Variants in LRR1 observed in about 807,000 individuals in gnomAD.
LRR1 encodes leucine rich repeat protein 1, also known as leucine-rich repeat protein 1.
LRR1 carries 29 observed loss-of-function variants against 31.6 expected under a neutral mutation model. That is an observed-to-expected ratio of 0.92 (90% CI 0.68 to 1.25). LRR1 has a LOEUF of 1.25. LRR1 is among the 50% of genes most tolerant of loss of function. The pLI is 0.00. For synonymous variants in LRR1, 179 were observed against 181.4 expected (o/e 0.99, Z 0.10); for missense variants, 485 against 487.2 (o/e 1.00, Z 0.04).
chr14:49,611,683 G>A (rs1882517378), intron 3 of LRR1, among the ~76,000 whole-genome samples: 1 of 152,208 alleles, frequency 6.6e-6, no homozygotes, highest in South Asian at 2.1e-4. Flanking sequence ...AGCACTTTGG[G>A]AGGTCGAGGT....
At chr14:49,599,625 A>AGCAGGTC (rs144202004) in intron 1 of LRR1, among the ~76,000 whole-genome samples, 71,184 of 151,050 alleles carry the variant, frequency 0.47, 17,612 homozygotes, top group Middle Eastern at 0.55. Context: ...AGCTTAAAAA[A>AGCAGGTC]GCAGGTCGGC....
At chr14:49,599,789 C>A (rs1881970811) in intron 1 of LRR1, among the ~76,000 whole-genome samples, 2 of 146,084 alleles carry the variant, frequency 1.4e-5, no homozygotes, top group South Asian at 4.2e-4. Flanking sequence ...GGGATCCGGG[C>A]GGCGACCGCG....
At chr14:49,599,786 GGGCGGCGACCGC>G (rs1352950930) in intron 1 of LRR1, among the ~76,000 whole-genome samples, 1 of 146,608 alleles carries the variant, frequency 6.8e-6, no homozygotes, top group East Asian at 2.0e-4. Context: ...GCGGGGATCC[GGGCGGCGACCGC>G]GGCGGCGGCA....
intron 3 of LRR1, among the ~76,000 whole-genome samples, chr14:49,608,773 TAGTG>T (rs1337634380): frequency 6.6e-6 from 1 of 152,030 alleles, no homozygotes; most frequent in Non-Finnish European, 1.5e-5. Context: ...AGCTGTGTCT[TAGTG>T]AGTCTTCCAA....
At position 49,608,208 on chromosome 14, in the gene LRR1, C is replaced by T. The variant is rs1728594165; in HGVS notation, c.1004+87C>T. 3.0e-6 allele frequency: 4 copies of T among 1,333,662 alleles called. No individual in the cohort carries two copies. In the South Asian group the frequency reaches 6.1e-5, roughly 20 times the overall value. The allele number at this position is 1,333,662 out of a possible 1,614,324, so 82.6% of individuals were successfully genotyped here. ...CTCAGAGTAATAAAGTCTAACATTG[C>T]TTACAGTGCTATGCACAGTCTGACC... is the stretch of plus-strand genomic sequence containing the variant. On this transcript the variant is annotated intron_variant, in intron 3 of 3. Transcript: ENST00000298288.
chr14:49,610,496 C>A (rs563434141), intron 3 of LRR1, among the ~76,000 whole-genome samples: 2 of 152,012 alleles, frequency 1.3e-5, no homozygotes, highest in South Asian at 4.2e-4. Context: ...CTCAAGCAAT[C>A]CACCTGGCTT....
At position 49,607,937 on chromosome 14, in the gene LRR1, C is replaced by A. The variant is rs760052002; in HGVS notation, c.820C>A (p.Leu274Ile). Reference protein sequence around the residue: ...FPCKIGQLINLRFLSAARNKL... With the variant: ...FPCKIGQLINIRFLSAARNKL... ...TTGCAAGATAGGACAACTAATAAAC[C>A]TTCGCTTTTTGTCAGCAGCTCGAAA... The change falls in exon 3 of 4, where the codon CTT becomes ATT. Residue 274 changes from leucine to isoleucine, a missense_variant. Leu to Ile is a conservative substitution (Grantham distance 5). This residue lies in a region of LRR1 where 210 missense variants were observed against 200.4 expected (regional missense o/e 1.05). Transcript: ENST00000298288. 65 of 1,614,008 alleles carry A rather than the reference C, an allele frequency of 4.0e-5. No individual in the cohort carries two copies. Among genetic ancestry groups the A allele is most frequent in the Non-Finnish European group, 5.4e-5 (64 of 1,179,976 alleles).
chr14:49,613,373 C>T (rs1202701865), intron 3 of LRR1, among the ~76,000 whole-genome samples: 3 of 150,682 alleles, frequency 2.0e-5, no homozygotes, highest in Admixed American at 6.6e-5. Flanking sequence ...GGAATGTTGG[C>T]GTGTGCCTGT....
chr14:49,602,952 C>G (rs551549357), intron 2 of LRR1, among the ~76,000 whole-genome samples: 11 of 152,032 alleles, frequency 7.2e-5, no homozygotes, highest in Non-Finnish European at 1.2e-4. Context: ...TCTCCTGCCT[C>G]AGCCTCCCGA....
At chr14:49,601,028 G>A (rs1205161718) in intron 1 of LRR1, 1 of 1,610,698 alleles carries the variant, frequency 6.2e-7, no homozygotes, top group Non-Finnish European at 8.5e-7. Context: ...TTGTATGTAA[G>A]TTGCTTTCTA....
At chr14:49,612,966 G>A (rs954772555) in intron 3 of LRR1, among the ~76,000 whole-genome samples, 13 of 151,820 alleles carry the variant, frequency 8.6e-5, no homozygotes, top group African/African-American at 3.1e-4. Context: ...TTGGGAGGCC[G>A]AGGTGGGCGG....
intron 1 of LRR1, among the ~76,000 whole-genome samples, chr14:49,599,703 G>A (rs1365760995): frequency 6.6e-6 from 1 of 150,944 alleles, no homozygotes; most frequent in Non-Finnish European, 1.5e-5. Flanking sequence ...TCCTCCTGGG[G>A]AGGCCGGGAC....
At chr14:49,605,799 T>C (rs1698893267) in intron 2 of LRR1, among the ~76,000 whole-genome samples, 1 of 152,220 alleles carries the variant, frequency 6.6e-6, no homozygotes, top group Non-Finnish European at 1.5e-5. Context: ...TGAACCAGTA[T>C]GCTTTATTGT....
intron 1 of LRR1, chr14:49,600,259 C>T: frequency 6.7e-7 from 1 of 1,487,452 alleles, no homozygotes; most frequent in South Asian, 1.1e-5. Flanking sequence ...ATATGCTTCT[C>T]GGTGGTAAAT....
chr14:49,599,125 G>C lies in LRR1; in HGVS notation c.105G>C (p.Gln35His). 6.2e-7 allele frequency: 1 copy of C among 1,608,922 alleles called. No individual in the cohort carries two copies. Among genetic ancestry groups the C allele is most frequent in the Non-Finnish European group, 8.5e-7 (1 of 1,178,060 alleles). The stretch of plus-strand genomic sequence containing the variant: ...GAGCCGTGTTGAGCCTCTGTCAGCA[G>C]ACTTCCAGGAGTCAGCCGCCGGTCC... ...GVRAVLSLCQQTSRSQPPVRA... is the reference protein window; with the variant it reads ...GVRAVLSLCQHTSRSQPPVRA... The change falls in exon 1 of 4, where the codon CAG becomes CAC. Residue 35 changes from glutamine (Q) to histidine (H), a missense_variant. Coordinates refer to ENST00000298288, the MANE Select transcript of LRR1 (RefSeq NM_152329.4).
intron 3 of LRR1, among the ~76,000 whole-genome samples, chr14:49,611,818 G>T (rs1396602163): frequency 6.6e-6 from 1 of 151,984 alleles, no homozygotes; most frequent in Non-Finnish European, 1.5e-5. Context: ...AGCTACTGGG[G>T]AGGCTGAGGC....
chr14:49,610,624 G>T lies in LRR1; in HGVS notation c.1004+2503G>T, dbSNP rs889896808. Among the ~76,000 whole-genome samples the T allele has an allele frequency of 1.3e-5, 2 of 150,492 alleles. 1 individual carries two copies. Among genetic ancestry groups the T allele is most frequent in the South Asian group, 4.2e-4 (2 of 4,752 alleles). Reference sequence around the variant, plus strand: ...CTTGCCCGGGCTGGAGTGGAATGGCGTGATCTCAGCTCACTGCAACCTCTG... The same window carrying T: ...CTTGCCCGGGCTGGAGTGGAATGGCTTGATCTCAGCTCACTGCAACCTCTG... On this transcript the variant is annotated intron_variant, in intron 3 of 3. Coordinates refer to ENST00000298288, the MANE Select transcript of LRR1 (RefSeq NM_152329.4).
intron 2 of LRR1, among the ~76,000 whole-genome samples, chr14:49,604,976 C>G (rs8014170): frequency 0.72 from 108,898 of 151,504 alleles, 40,268 homozygotes; most frequent in Non-Finnish European, 0.76. Flanking sequence ...GCTCACTGCA[C>G]CCTCGACCTT....
intron 3 of LRR1, among the ~76,000 whole-genome samples, chr14:49,611,369 G>A (rs1882505026): frequency 6.6e-6 from 1 of 152,118 alleles, no homozygotes; most frequent in South Asian, 2.1e-4. Context: ...CAGCTACTCA[G>A]GAGGCTGAGG....
Sources: allele counts gnomAD v4.1 joint callset (sites outside exome capture counted in the v4.1 genomes callset), GRCh38; gene constraint gnomAD v4.1.1; regional missense constraint gnomAD v4.1.1; transcripts MANE v1.5; gene names NCBI Gene and HGNC (gene_info 2026-07-23, HGNC 2026-07-21).